Variants in PCLO observed in about 807,000 individuals in gnomAD.
The protein encoded by PCLO is protein piccolo.
Under a neutral mutation model 427.5 loss-of-function variants are expected in PCLO, and 82 were observed. The ratio of observed to expected loss-of-function variants is 0.19; its 90% confidence interval spans 0.16 to 0.23. The LOEUF is 0.23. PCLO is among the 10% of genes least tolerant of loss of function. The pLI, the probability that PCLO is intolerant of heterozygous loss-of-function variation, is 1.00. For synonymous variants in PCLO, 2,357 were observed against 2,155.4 expected, an observed-to-expected ratio of 1.09 and a Z score of -2.59; for missense variants, 6,239 against 6,115.9, an observed-to-expected ratio of 1.02 and a Z score of -0.67.
intron 22 of PCLO, among the ~76,000 whole-genome samples, chr7:82,788,284 A>G (rs1431815780): frequency 6.8e-6 from 1 of 148,010 alleles, no homozygotes; most frequent in African/African-American, 2.5e-5. Flanking sequence ...TTTAATATAT[A>G]TAATTGATAT....
At chr7:83,050,897 G>C (rs1789237546) in intron 3 of PCLO, among the ~76,000 whole-genome samples, 1 of 151,920 alleles carries the variant, frequency 6.6e-6, no homozygotes, top group African/African-American at 2.4e-5. Context: ...TGGGCGACAA[G>C]AGTGAAACTC....
intron 22 of PCLO, among the ~76,000 whole-genome samples, chr7:82,778,412 T>C (rs1181723724): frequency 1.3e-5 from 2 of 152,296 alleles, no homozygotes; most frequent in East Asian, 3.9e-4. Flanking sequence ...ATCCTATTAC[T>C]GGTATATACT....
Position 82,794,459 on chromosome 7 carries a change from C to CTGTTTTTTTTTTTTTTTTTTT in PCLO, c.15007+7058_15007+7059insAAAAAAAAAAAAAAAAAAACA, listed in dbSNP as rs1554333552. On this transcript the variant is annotated intron_variant, in intron 22 of 24. Coordinates refer to ENST00000333891, the MANE Select transcript of PCLO (RefSeq NM_033026.6). ...ACATGCTAGTTCATAAATTTTTTTTCTTTTTTTTTTTTTTTTTTTTTTTTT... is the reference window on the plus strand; with the variant it reads ...ACATGCTAGTTCATAAATTTTTTTTCTGTTTTTTTTTTTTTTTTTTTTTTTTTTTTTTTTTTTTTTTTTTTT... Among the ~76,000 whole-genome samples the CTGTTTTTTTTTTTTTTTTTTT allele has an allele frequency of 2.1e-3, 119 of 56,374 alleles. 19 individuals are homozygous for CTGTTTTTTTTTTTTTTTTTTT. Among genetic ancestry groups the CTGTTTTTTTTTTTTTTTTTTT allele is most frequent in the Non-Finnish European group, 2.9e-3 (70 of 24,448 alleles). 37.0% of individuals were successfully genotyped at this position (56,374 alleles called of 152,430 possible).
chr7:82,788,460 C>T (rs927726263), intron 22 of PCLO, among the ~76,000 whole-genome samples: 9 of 151,656 alleles, frequency 5.9e-5, no homozygotes, highest in Non-Finnish European at 7.4e-5. Flanking sequence ...ATGTTCTCAG[C>T]GAACTTTGTG....
At chr7:83,109,352 T>C (rs927804369) in intron 3 of PCLO, among the ~76,000 whole-genome samples, 1 of 152,176 alleles carries the variant, frequency 6.6e-6, no homozygotes, top group African/African-American at 2.4e-5. Context: ...GCTGGGTACA[T>C]GATGGAGTTG....
chr7:82,916,510 C>T lies in PCLO; in HGVS notation c.11476G>A (p.Gly3826Arg), dbSNP rs747368604. The T allele has an allele frequency of 3.7e-6, 6 of 1,613,676 alleles. No homozygotes were observed. The South Asian group carries it at 4.4e-5, about 12-fold the overall frequency. Residue 3826 changes from glycine (G) to arginine (R), a missense_variant, in exon 7 of 25, where the codon GGA becomes AGA. Coordinates refer to ENST00000333891, the MANE Select transcript of PCLO (RefSeq NM_033026.6). ...ATGTAATCACGATCCTCAGCTACTCCCTGGAGGTAGGCTCGTTCTCTCTTT... is the reference window on the plus strand; with the variant it reads ...ATGTAATCACGATCCTCAGCTACTCTCTGGAGGTAGGCTCGTTCTCTCTTT... Reference protein sequence around the residue: ...REKRERAYLQGVAEDRDYMSD... With the variant: ...REKRERAYLQRVAEDRDYMSD...
At chr7:82,874,539 T>C (rs1265282597) in intron 10 of PCLO, among the ~76,000 whole-genome samples, 1 of 152,168 alleles carries the variant, frequency 6.6e-6, no homozygotes, top group Non-Finnish European at 1.5e-5. Context: ...TAGGTGAACA[T>C]ATGCAGATAG....
chr7:82,982,150 A>G (rs1796160481), intron 3 of PCLO, among the ~76,000 whole-genome samples: 1 of 152,122 alleles, frequency 6.6e-6, no homozygotes, highest in Non-Finnish European at 1.5e-5. Flanking sequence ...TTCACCAGAT[A>G]TTGTATTGCG....
chr7:83,000,284 AGAGAGAGAGAGAGAG>A (rs1787786657), intron 3 of PCLO, among the ~76,000 whole-genome samples: 3 of 151,120 alleles, frequency 2.0e-5, no homozygotes, highest in African/African-American at 4.9e-5. Context: ...AGAGAGAGAG[AGAGAGAGAGAGAGAG>A]AGAGAGAAAA....
intron 3 of PCLO, among the ~76,000 whole-genome samples, chr7:83,103,527 A>T (rs193010613): frequency 2.2e-3 from 342 of 152,138 alleles, no homozygotes; most frequent in Middle Eastern, 0.014. Flanking sequence ...TCCAGTATTT[A>T]GGATATATAC....
intron 22 of PCLO, among the ~76,000 whole-genome samples, chr7:82,798,358 A>T (rs1187062956): frequency 6.6e-6 from 1 of 151,948 alleles, no homozygotes; most frequent in South Asian, 2.1e-4. Context: ...TATTTTGTCT[A>T]AAAAAAATTG....
At chr7:83,005,367 C>A (rs1286023111) in intron 3 of PCLO, among the ~76,000 whole-genome samples, 1 of 151,452 alleles carries the variant, frequency 6.6e-6, no homozygotes. Flanking sequence ...CTAAAGAAGT[C>A]GAACTCACAG....
chr7:82,979,948 A>G (rs1489378368), intron 3 of PCLO, among the ~76,000 whole-genome samples: 1 of 152,206 alleles, frequency 6.6e-6, no homozygotes, highest in Admixed American at 6.5e-5. Flanking sequence ...CCTAAGTTCA[A>G]TTAATTTCTT....
intron 3 of PCLO, among the ~76,000 whole-genome samples, chr7:83,036,952 T>C (rs1788810723): frequency 6.6e-6 from 1 of 152,086 alleles, no homozygotes; most frequent in African/African-American, 2.4e-5. Flanking sequence ...GGGATCAATG[T>C]AATAATGGTT....
chr7:82,921,215 T>C (rs970918510), intron 6 of PCLO, among the ~76,000 whole-genome samples: 8 of 151,704 alleles, frequency 5.3e-5, no homozygotes, highest in African/African-American at 1.7e-4. Context: ...CACAGAATTA[T>C]AAAAAAACTA....
intron 2 of PCLO, among the ~76,000 whole-genome samples, chr7:83,152,046 G>A (rs1010469285): frequency 5.5e-4 from 83 of 151,686 alleles, no homozygotes; most frequent in African/African-American, 1.9e-3. Flanking sequence ...CTCACTGCAA[G>A]CTCCGCCTCC....
intron 3 of PCLO, among the ~76,000 whole-genome samples, chr7:83,133,214 C>G (rs963970471): frequency 2.6e-5 from 4 of 151,888 alleles, no homozygotes; most frequent in Admixed American, 2.0e-4. Flanking sequence ...AACTCTAAAG[C>G]TTATTTTATA....
At chr7:83,024,526 G>A (rs1032245229) in intron 3 of PCLO, among the ~76,000 whole-genome samples, 1 of 152,200 alleles carries the variant, frequency 6.6e-6, no homozygotes, top group East Asian at 1.9e-4. Flanking sequence ...GCCAGGCTGG[G>A]GGAGGGGCGC....
chr7:83,155,785 C>T lies in PCLO; in HGVS notation c.856G>A (p.Ala286Thr), dbSNP rs1185413643. 1 of 1,613,718 alleles carries T rather than the reference C, an allele frequency of 6.2e-7. No individual in the cohort carries two copies. The highest frequency in any genetic ancestry group is 2.2e-5 in the East Asian group (1 of 44,882). The stretch of plus-strand genomic sequence containing the variant: ...ACTGATTCTCCCCTTACTATGTCTG[C>T]CTGTTTAGTCTGAGGCCTGGATGCA... ...RDASRPQTKQ[A>T]DIVRGESVKP... The change falls in exon 2 of 25, where the codon GCA becomes ACA. Residue 286 changes from alanine (A) to threonine (T), a missense_variant. Ala to Thr is a moderately conservative substitution (Grantham distance 58, BLOSUM62 0). This residue lies in a region of PCLO where 4,677 missense variants were observed against 4,468.4 expected (regional missense o/e 1.05). Transcript: ENST00000333891.
Sources: gnomAD v4.1 joint callset for allele counts (sites outside exome capture counted in the v4.1 genomes callset) on GRCh38, gnomAD v4.1.1 for gene constraint, gnomAD v4.1.1 regional missense constraint, MANE v1.5 for transcripts, NCBI Gene and HGNC (gene_info 2026-07-23, HGNC 2026-07-21) for gene names.